TFDP2: variants seen among roughly 807,000 people sequenced by gnomAD.
TFDP2 encodes transcription factor Dp-2 (E2F dimerization partner 2).
A neutral mutation model predicts 59.3 loss-of-function variants in TFDP2; 17 were observed. That is an observed-to-expected ratio of 0.29 (90% CI 0.20 to 0.43). TFDP2 has a LOEUF of 0.43. TFDP2 is among the 20% of genes least tolerant of loss of function. The pLI is 1.00. For synonymous variants in TFDP2, 180 were observed against 194.7 expected (o/e 0.92, Z 0.63); for missense variants, 391 against 528.8 (o/e 0.74, Z 2.56).
intron 3 of TFDP2, among the ~76,000 whole-genome samples, chr3:142,023,147 AAAG>A (rs1945783084): frequency 6.6e-6 from 1 of 151,266 alleles, no homozygotes; most frequent in Non-Finnish European, 1.5e-5. Flanking sequence ...AAAAAAAGAA[AAAG>A]AAAAGAAAAA....
At chr3:142,083,840 T>C (rs1373983994) in intron 3 of TFDP2, among the ~76,000 whole-genome samples, 3 of 152,120 alleles carry the variant, frequency 2.0e-5, no homozygotes, top group South Asian at 2.1e-4. Flanking sequence ...TCTCACCATA[T>C]ACAAAAATCA....
In TFDP2 at chr3:141,995,127, T is replaced by C; in HGVS notation, c.201A>G (p.Pro67=). The C allele has an allele frequency of 1.9e-6, 3 of 1,599,758 alleles. No homozygotes were observed. Among genetic ancestry groups the C allele is most frequent in the Non-Finnish European group, 8.5e-7 (1 of 1,173,100 alleles). The change falls in exon 5 of 13, where the codon CCA becomes CCG. Residue 67 remains proline (P), a synonymous_variant. Coordinates refer to ENST00000489671, the MANE Select transcript of TFDP2 (RefSeq NM_001178139.2). ...NVGPQMIIST[P]QRLTSSGSVL... Reference sequence around the variant, plus strand: ...CACTTCCTGAACTGGTTAGTCTCTGTGGTGTGCTTATAATCTGTAAAGTTA... The same window carrying C: ...CACTTCCTGAACTGGTTAGTCTCTGCGGTGTGCTTATAATCTGTAAAGTTA...
rs1006187121 is a variant in TFDP2, at chr3:141,948,339, C to T, written c.*4174G>A. 6.6e-6 allele frequency: 1 copy of T among 151,866 alleles called. No individual in the cohort carries two copies. Among genetic ancestry groups the T allele is most frequent in the East Asian group, 2.0e-4 (1 of 5,112 alleles). 9.4% of individuals were successfully genotyped at this position (151,866 alleles called of 1,614,324 possible). ...GGCAGATCACCTGAGGTCAGGAGTT[C>T]GACACCAGCCTGGGCAACACGGTGA... On this transcript the variant is annotated 3_prime_UTR_variant, in exon 13 of 13. Coordinates refer to ENST00000489671, the MANE Select transcript of TFDP2 (RefSeq NM_001178139.2).
chr3:141,966,732 AG>A (rs1938130747), intron 9 of TFDP2, among the ~76,000 whole-genome samples: 1 of 151,632 alleles, frequency 6.6e-6, no homozygotes, highest in Non-Finnish European at 1.5e-5. Context: ...TAGAGATAAA[AG>A]TAGGATATTG....
rs560609192 is a variant in TFDP2, at chr3:142,074,721, G to A, written c.82+18340C>T. On this transcript the variant is annotated intron_variant, in intron 3 of 12. Transcript: ENST00000489671. Reference sequence around the variant, plus strand: ...ACAAAAATTAGCCAGGCATGGTGGCGGGTGCCTGCAATCCCGGCTACTCGG... The same window carrying A: ...ACAAAAATTAGCCAGGCATGGTGGCAGGTGCCTGCAATCCCGGCTACTCGG... Among the ~76,000 whole-genome samples, 7 of 151,760 alleles carry A rather than the reference G, an allele frequency of 4.6e-5. 1 individual carries two copies. The highest frequency in any genetic ancestry group is 1.7e-4 in the African/African-American group (7 of 41,374).
chr3:142,147,894 G>C (rs2063229208), intron 1 of TFDP2, among the ~76,000 whole-genome samples: 1 of 152,176 alleles, frequency 6.6e-6, no homozygotes, highest in Non-Finnish European at 1.5e-5. Flanking sequence ...TAATCTGATA[G>C]TGATAAAGTT....
At chr3:142,103,602 A>G (rs1489502757) in intron 1 of TFDP2, among the ~76,000 whole-genome samples, 2 of 152,230 alleles carry the variant, frequency 1.3e-5, no homozygotes, top group Non-Finnish European at 2.9e-5. Flanking sequence ...TGGTCTCACT[A>G]TACAGAGAAA....
Position 141,968,540 on chromosome 3 carries a change from C to CAT in TFDP2, c.732+1531_732+1532dup, listed in dbSNP as rs543112106. Among the ~76,000 whole-genome samples, 3 of 87,154 alleles carry CAT rather than the reference C, an allele frequency of 3.4e-5. 1 individual carries two copies. Among genetic ancestry groups the CAT allele is most frequent in the East Asian group, 2.6e-4 (1 of 3,822 alleles). The allele number at this position is 87,154 out of a possible 152,430, so 57.2% of individuals were successfully genotyped here. A position where few individuals can be genotyped will look rare whatever the true frequency, so the allele number is the denominator to read the frequency against. ...ATCTCATATATATAGATATATATAA[C>CAT]ATATATATATCTCATATATATAGAT... On this transcript the variant is annotated intron_variant, in intron 9 of 12. Transcript: ENST00000489671.
In TFDP2 at chr3:142,149,072, G is replaced by A. The variant is rs555292194; in HGVS notation, c.-93+111C>T. ...CCAGGTCTAAACAGATGGGACTCGT[G>A]GGGGAACAAGGGGGCCCCTGTGCGC... On this transcript the variant is annotated intron_variant, in intron 1 of 12. Transcript: ENST00000489671. 4 of 394,448 alleles carry A rather than the reference G, an allele frequency of 1.0e-5. No homozygotes were observed. In the East Asian group the frequency reaches 1.4e-4, roughly 14 times the overall value. The allele number at this position is 394,448 out of a possible 1,614,324, so 24.4% of individuals were successfully genotyped here. A position where few individuals can be genotyped will look rare whatever the true frequency, so the allele number is the denominator to read the frequency against.
intron 9 of TFDP2, among the ~76,000 whole-genome samples, chr3:141,967,485 G>T (rs1052684463): frequency 6.6e-6 from 1 of 151,818 alleles, no homozygotes; most frequent in Non-Finnish European, 1.5e-5. Flanking sequence ...GTAGAGACGG[G>T]GTTTCTCCAT....
chr3:142,044,006 C>T, intron 3 of TFDP2: 1 of 701,088 alleles, frequency 1.4e-6, no homozygotes, highest in Non-Finnish European at 2.6e-6. Flanking sequence ...AGGTCTTTTT[C>T]CGGCATCAAG....
At chr3:141,963,712 AG>A in intron 10 of TFDP2, 99 bp downstream of exon 10, 1 of 1,391,106 alleles carries the variant, frequency 7.2e-7, no homozygotes, top group Non-Finnish European at 9.8e-7. Context: ...CCAGCCTTTG[AG>A]GGGTGCAACT....
At chr3:142,011,590 T>TA (rs386398107) in intron 3 of TFDP2, among the ~76,000 whole-genome samples, 20,791 of 63,468 alleles carry the variant, frequency 0.33, 1,912 homozygotes, top group Non-Finnish European at 0.38. Context: ...TAAAGTATAA[T>TA]AAAAAAAAAA....
At chr3:141,961,112 A>G (rs1481277187) in intron 10 of TFDP2, among the ~76,000 whole-genome samples, 1 of 152,166 alleles carries the variant, frequency 6.6e-6, no homozygotes, top group Non-Finnish European at 1.5e-5. Context: ...AGACTAACCT[A>G]AGATAGTTTT....
intron 3 of TFDP2, among the ~76,000 whole-genome samples, chr3:142,052,311 GCA>G (rs1560090253): frequency 2.0e-5 from 3 of 152,106 alleles, no homozygotes; most frequent in Non-Finnish European, 4.4e-5. Flanking sequence ...GCCAAGGCGG[GCA>G]GATCACAAGG....
At chr3:142,047,736 C>CTTTT (rs10707832) in intron 3 of TFDP2, among the ~76,000 whole-genome samples, 1 of 112,478 alleles carries the variant, frequency 8.9e-6, no homozygotes, top group Non-Finnish European at 1.9e-5. Flanking sequence ...AACTAATATG[C>CTTTT]TTTTTTTTTT....
At chr3:142,044,058 A>C (rs1947185277) in intron 3 of TFDP2, 1 of 654,368 alleles carries the variant, frequency 1.5e-6, no homozygotes, top group Admixed American at 2.1e-5. Context: ...TGATCAGCTC[A>C]TCTTTGATCA....
At position 142,147,568 on chromosome 3, in the gene TFDP2, C is replaced by A. The variant is rs368003799; in HGVS notation, c.-93+1615G>T. ...CAAAATGAGAATATGAAGTATTACA[C>A]ACTGCAAAAATTCAGCTTTCCTTTT... On this transcript the variant is annotated intron_variant, in intron 1 of 12. Transcript: ENST00000489671. Among the ~76,000 whole-genome samples, 4 of 152,298 alleles carry A rather than the reference C, an allele frequency of 2.6e-5. No homozygotes were observed. In the East Asian group the frequency reaches 7.7e-4, roughly 29 times the overall value.
intron 3 of TFDP2, among the ~76,000 whole-genome samples, chr3:142,016,738 G>A (rs1576717953): frequency 6.6e-6 from 1 of 152,262 alleles, no homozygotes; most frequent in Non-Finnish European, 1.5e-5. Context: ...AATTACATAA[G>A]TGGATTACAT....
Sources: allele counts gnomAD v4.1 joint callset (sites outside exome capture counted in the v4.1 genomes callset), GRCh38; gene constraint gnomAD v4.1.1; transcripts MANE v1.5; gene names NCBI Gene and HGNC (gene_info 2026-07-23, HGNC 2026-07-21).